The following COL3A1 variants were observed in gnomAD, a reference collection of about 807,000 sequenced individuals.
The protein encoded by COL3A1 is collagen alpha-1(III) chain.
COL3A1 carries 46 observed loss-of-function variants against 200.9 expected under a neutral mutation model. The ratio of observed to expected loss-of-function variants is 0.23; its 90% confidence interval spans 0.18 to 0.29. COL3A1 has a LOEUF of 0.29. Among genes scored for constraint, COL3A1 ranks in the 10% least tolerant of loss-of-function variants. COL3A1 has a pLI of 1.00. For missense variants in COL3A1, 1,367 were observed against 1,917.6 expected, an observed-to-expected ratio of 0.71 and a Z score of 5.36; for synonymous variants, 650 against 628.0, an observed-to-expected ratio of 1.03 and a Z score of -0.52.
At chr2:188,998,489 G>A (rs1355795273) in intron 28 of COL3A1, among the ~76,000 whole-genome samples, 170 bp downstream of exon 28, 1 of 152,118 alleles carries the variant, frequency 6.6e-6, no homozygotes, top group Non-Finnish European at 1.5e-5. Context: ...CTATTATATA[G>A]AGTTTGAATT....
Position 189,002,322 on chromosome 2 carries a change from C to G in COL3A1, c.2416C>G (p.Pro806Ala), listed in dbSNP as rs76637112. Residue 806 changes from proline to alanine, a missense_variant, in exon 35 of 51, where the codon CCA (proline) becomes GCA (alanine). Physicochemically the swap from Pro to Ala is conservative, Grantham distance 27. Transcript: ENST00000304636. ...SPGERGETGP[P>A]GPAGFPGAPG... ...GGGTGAGAGAGGTGAAACTGGCCCT[C>G]CAGGACCTGCTGGTTTCCCTGGTGC... The G allele has an allele frequency of 6.2e-7, 1 of 1,614,028 alleles. No individual in the cohort carries two copies. Among genetic ancestry groups the G allele is most frequent in the East Asian group, 2.2e-5 (1 of 44,862 alleles).
intron 10 of COL3A1, 106 bp from the exon 11 acceptor site, chr2:188,990,898 A>C: frequency 9.3e-7 from 1 of 1,077,796 alleles, no homozygotes; most frequent in East Asian, 2.4e-5. Flanking sequence ...CTAATTTTGC[A>C]AGTAGTGTTA....
In COL3A1 at chr2:188,992,175, T is replaced by C; in HGVS notation, c.952-9T>C. 1 of 1,613,900 alleles carries C rather than the reference T, an allele frequency of 6.2e-7. No individual in the cohort carries two copies. The highest frequency in any genetic ancestry group is 8.5e-7 in the Non-Finnish European group (1 of 1,179,896). The stretch of plus-strand genomic sequence containing the variant: ...TAAAAGGATATTTGATGTAAACTTC[T>C]CTTTTTAGGGTGCTCGGGGTAATGA... On this transcript the variant is annotated splice_polypyrimidine_tract_variant and intron_variant, in intron 13 of 50. Transcript: ENST00000304636.
rs182337347 is a variant in COL3A1, at chr2:188,997,927, T to C, written c.1923+174T>C. ...TCTTCCATGTCCGTTCCAGAGCACATTAATAAGTTATTTAAAAGAATTAAT... is the reference window on the plus strand; with the variant it reads ...TCTTCCATGTCCGTTCCAGAGCACACTAATAAGTTATTTAAAAGAATTAAT... On this transcript the variant is annotated intron_variant, in intron 27 of 50. Coordinates refer to ENST00000304636, the MANE Select transcript of COL3A1 (RefSeq NM_000090.4). Among the ~76,000 whole-genome samples, 614 of 152,368 alleles carry C rather than the reference T, an allele frequency of 4.0e-3. 18 individuals are homozygous for C. The highest frequency in any genetic ancestry group is 2.9e-3 in the East Asian group (15 of 5,192).
rs769386080 is a variant in COL3A1 at position 189,008,038 on chromosome 2, C to T, written c.3421C>T (p.Pro1141Ser). ...GSPGPAGPRG[P>S]VGPSGPPGKD... is the part of the protein sequence containing the mutation. Reference sequence around the variant, plus strand: ...TGATGTCATGATACTTTCTTAGGGACCTGTTGGACCCAGTGGACCTCCTGG... The same window carrying T: ...TGATGTCATGATACTTTCTTAGGGATCTGTTGGACCCAGTGGACCTCCTGG... The change falls in exon 47 of 51, where the codon CCT becomes TCT. Residue 1141 changes from proline (P) to serine (S), a missense_variant. Physicochemically the swap from Pro to Ser is moderately conservative, Grantham distance 74. Transcript: ENST00000304636. 1.2e-6 allele frequency: 2 copies of T among 1,614,060 alleles called. No individual in the cohort carries two copies. Among genetic ancestry groups the T allele is most frequent in the Non-Finnish European group, 1.7e-6 (2 of 1,179,982 alleles).
In COL3A1 at chr2:188,994,598, A is replaced by C. The variant is rs777467344; in HGVS notation, c.1347+4A>C. 6.2e-7 allele frequency: 1 copy of C among 1,614,174 alleles called. No homozygotes were observed. Among genetic ancestry groups the C allele is most frequent in the Non-Finnish European group, 8.5e-7 (1 of 1,180,022 alleles). On this transcript the variant is annotated splice_donor_region_variant and intron_variant, in intron 19 of 50. Coordinates refer to ENST00000304636, the MANE Select transcript of COL3A1 (RefSeq NM_000090.4). The surrounding 1 kb of genome is among the most constrained non-coding windows in gnomAD (Gnocchi z 4.5). ...GCCCGGACCACGTGGTGAACGCGTA[A>C]GTTTTACTGCAACAGATCTGGTTAT... is the stretch of plus-strand genomic sequence containing the variant.
rs140356458 is a variant in COL3A1 at position 188,987,493 on chromosome 2, G to C, written c.528+354G>C. Among the ~76,000 whole-genome samples, 917 of 152,106 alleles carry C rather than the reference G, an allele frequency of 6.0e-3. 5 individuals carry two copies. The highest frequency in any genetic ancestry group is 0.01 in the Non-Finnish European group (696 of 67,948). ...GCATGTTACAAAACTGAAGCATACTGTTTTCAGCTTGCTGAAGGTTTTCTA... is the reference window on the plus strand; with the variant it reads ...GCATGTTACAAAACTGAAGCATACTCTTTTCAGCTTGCTGAAGGTTTTCTA... On this transcript the variant is annotated intron_variant, in intron 5 of 50. Coordinates refer to ENST00000304636, the MANE Select transcript of COL3A1 (RefSeq NM_000090.4).
In COL3A1 at chr2:188,992,959, A is replaced by G. The variant is rs1688219061; in HGVS notation, c.1050+19A>G. 1.2e-6 allele frequency: 2 copies of G among 1,611,924 alleles called. No homozygotes were observed. The highest frequency in any genetic ancestry group is 1.1e-5 in the South Asian group (1 of 91,032). On this transcript the variant is annotated intron_variant, in intron 15 of 50. Transcript: ENST00000304636. The stretch of plus-strand genomic sequence containing the variant: ...TGCTAAGGTAAACATGTGTTTCTAT[A>G]GAAGGGTATAAAAATATCTTGGAGG...
At position 189,001,412 on chromosome 2, in the gene COL3A1, A is replaced by G. The variant is rs1380468315; in HGVS notation, c.2299A>G (p.Ile767Val). 2.5e-6 allele frequency: 4 copies of G among 1,613,764 alleles called. No individual in the cohort carries two copies. The highest frequency in any genetic ancestry group is 2.2e-5 in the East Asian group (1 of 44,888). Residue 767 changes from isoleucine to valine, a missense_variant, in exon 33 of 51, where the codon ATT (isoleucine) becomes GTT (valine). Physicochemically the swap from Ile to Val is conservative, Grantham distance 29 (BLOSUM62 3). Transcript: ENST00000304636. Reference sequence around the variant, plus strand: ...TTTCCTCTAGGGTCCTACTGGTCCTATTGGTCCTCCTGGCCCAGCTGGCCA... The same window carrying G: ...TTTCCTCTAGGGTCCTACTGGTCCTGTTGGTCCTCCTGGCCCAGCTGGCCA... Reference protein sequence around the residue: ...KDGPRGPTGPIGPPGPAGQPG... With the variant: ...KDGPRGPTGPVGPPGPAGQPG...
chr2:188,985,619 T>C, intron 3 of COL3A1, 46 bp from the exon 4 acceptor site: 1 of 1,206,954 alleles, frequency 8.3e-7, no homozygotes, highest in African/African-American at 1.5e-5. Context: ...TGATTGTGAA[T>C]CACCAGGATT....
At position 188,992,946 on chromosome 2, in the gene COL3A1, C is replaced by G. The variant is rs528634384; in HGVS notation, c.1050+6C>G. On this transcript the variant is annotated splice_donor_region_variant and intron_variant, in intron 15 of 50. Transcript: ENST00000304636. ...CTGGATCCCCTGGTGCTAAGGTAAA[C>G]ATGTGTTTCTATAGAAGGGTATAAA... 2 of 1,613,366 alleles carry G rather than the reference C, an allele frequency of 1.2e-6. No homozygotes were observed. Among genetic ancestry groups the G allele is most frequent in the African/African-American group, 2.7e-5 (2 of 74,870 alleles).
intron 1 of COL3A1, chr2:188,977,975 C>T: frequency 3.3e-6 from 1 of 301,966 alleles, no homozygotes. Context: ...TATTATAACA[C>T]TTTGTGTTTT....
At chr2:188,993,026 T>A (rs1688220979) in intron 15 of COL3A1, 86 bp downstream of exon 15, 4 of 1,245,960 alleles carry the variant, frequency 3.2e-6, no homozygotes, top group Non-Finnish European at 4.7e-6. Context: ...CTGATTTTTT[T>A]AATCAGTCAA....
rs10191859 is a variant in COL3A1 at position 189,006,749 on chromosome 2, C to T, written c.3202-188C>T. Among the ~76,000 whole-genome samples, 9,519 of 152,194 alleles carry T rather than the reference C, an allele frequency of 0.063. 989 individuals carry two copies. The highest frequency in any genetic ancestry group is 0.22 in the African/African-American group (8,944 of 41,492). On this transcript the variant is annotated intron_variant, in intron 43 of 50. Transcript: ENST00000304636. Reference sequence around the variant, plus strand: ...CAGGGCTCTTGCCCAACTTTTCTGTCTAGATCCCCTGAGAAAGCTATAAAC... The same window carrying T: ...CAGGGCTCTTGCCCAACTTTTCTGTTTAGATCCCCTGAGAAAGCTATAAAC...
Position 189,012,213 on chromosome 2 carries a change from T to G in COL3A1, c.*439T>G, listed in dbSNP as rs970497516. ...CAACTGGTCAGAAACACAGATTGTATTCTATGAGTCCCAGAAGATGAAAAA... is the reference window on the plus strand; with the variant it reads ...CAACTGGTCAGAAACACAGATTGTAGTCTATGAGTCCCAGAAGATGAAAAA... On this transcript the variant is annotated 3_prime_UTR_variant, in exon 51 of 51. Transcript: ENST00000304636. 4 of 161,324 alleles carry G rather than the reference T, an allele frequency of 2.5e-5. No individual in the cohort carries two copies. The highest frequency in any genetic ancestry group is 9.6e-5 in the African/African-American group (4 of 41,644). 10.0% of individuals were successfully genotyped at this position (161,324 alleles called of 1,614,324 possible).
intron 32 of COL3A1, among the ~76,000 whole-genome samples, chr2:189,000,885 A>G (rs1183707399): frequency 6.6e-6 from 1 of 152,222 alleles, no homozygotes; most frequent in Non-Finnish European, 1.5e-5. Context: ...GTTGCCTTAA[A>G]GAAATTCATA....
Position 189,003,722 on chromosome 2 carries a change from A to G in COL3A1, c.2608-12A>G. 6.2e-7 allele frequency: 1 copy of G among 1,613,700 alleles called. No individual in the cohort carries two copies. ...TACTTTTGAAATTCAAAAATATATTACCATTTCACAGGGTGCTGCTGGCTT... is the reference window on the plus strand; with the variant it reads ...TACTTTTGAAATTCAAAAATATATTGCCATTTCACAGGGTGCTGCTGGCTT... On this transcript the variant is annotated splice_polypyrimidine_tract_variant and intron_variant, in intron 37 of 50. Transcript: ENST00000304636.
chr2:188,984,921 T>A lies in COL3A1; in HGVS notation c.241T>A (p.Phe81Ile), dbSNP rs1688033218. 6.2e-7 allele frequency: 1 copy of A among 1,613,016 alleles called. No homozygotes were observed. Among genetic ancestry groups the A allele is most frequent in the Non-Finnish European group, 8.5e-7 (1 of 1,179,392 alleles). ...ELDCPNPEIP[F>I]GECCAVCPQP... ...AGACTGCCCCAACCCAGAAATTCCA[T>A]TTGGAGAATGTTGTGCAGTTTGCCC... Residue 81 changes from phenylalanine to isoleucine, a missense_variant, in exon 2 of 51, where the codon TTT becomes ATT. Transcript: ENST00000304636.
Position 188,996,017 on chromosome 2 carries a change from C to CT in COL3A1, c.1609-107dup, listed in dbSNP as rs1360598627. Reference sequence around the variant, plus strand: ...TAGACAGGAAAAAAGATGTGCAAATCTGAGGCTTCACATGTAAGTGAAAAT... The same window carrying CT: ...TAGACAGGAAAAAAGATGTGCAAATCTTGAGGCTTCACATGTAAGTGAAAAT... On this transcript the variant is annotated intron_variant, in intron 22 of 50. Coordinates refer to ENST00000304636, the MANE Select transcript of COL3A1 (RefSeq NM_000090.4). 7.1e-5 allele frequency: 81 copies of CT among 1,145,322 alleles called. No individual in the cohort carries two copies. In the African/African-American group the frequency reaches 1.1e-3, roughly 16 times the overall value. 70.9% of individuals were successfully genotyped at this position (1,145,322 alleles called of 1,614,324 possible). A position where few individuals can be genotyped will look rare whatever the true frequency, so the allele number is the denominator to read the frequency against.
Sources: gnomAD v4.1 joint callset for allele counts (sites outside exome capture counted in the v4.1 genomes callset) on GRCh38, gnomAD v4.1.1 for gene constraint, Gnocchi (gnomAD v3.1) non-coding constraint, MANE v1.5 for transcripts, NCBI Gene and HGNC (gene_info 2026-07-23, HGNC 2026-07-21) for gene names.